Variants in QTMAN observed in about 807,000 individuals in gnomAD.
QTMAN encodes the protein tRNA-queuosine alpha-mannosyltransferase.
At chr2:144,096,447 A>G in the QTMAN span, among the ~76,000 whole-genome samples, 4 of 152,214 alleles carry the variant, frequency 2.6e-5, no homozygotes, top group African/African-American at 9.6e-5. Context: ...AAAGGAAGAC[A>G]CTGTAGAACA....
chr2:144,076,107 C>T, the QTMAN span, among the ~76,000 whole-genome samples: 16 of 152,172 alleles, frequency 1.1e-4, no homozygotes, highest in East Asian at 2.7e-3. Flanking sequence ...ATTAGCTGGG[C>T]GTGGTGGCGC....
chr2:144,003,911 G>T, the QTMAN span, among the ~76,000 whole-genome samples: 1 of 151,992 alleles, frequency 6.6e-6, no homozygotes, highest in South Asian at 2.1e-4. Context: ...TTCATTTTTA[G>T]AGTTGGCTAC....
chr2:144,022,561 T>A, the QTMAN span, among the ~76,000 whole-genome samples: 8 of 110,636 alleles, frequency 7.2e-5, no homozygotes, highest in African/African-American at 3.0e-4. Context: ...TCTCTCTCTC[T>A]TTTTTTTTTT....
At chr2:144,201,196 G>A in the QTMAN span, among the ~76,000 whole-genome samples, 1 of 152,156 alleles carries the variant, frequency 6.6e-6, no homozygotes, top group Non-Finnish European at 1.5e-5. Flanking sequence ...TAGATCGGGT[G>A]CTCAGGAAAG....
chr2:144,034,673 A>C, the QTMAN span, among the ~76,000 whole-genome samples: 1 of 152,184 alleles, frequency 6.6e-6, no homozygotes, highest in Non-Finnish European at 1.5e-5. Context: ...TCCTCCTTCC[A>C]CATTACTAGA....
chr2:144,169,356 C>A, the QTMAN span, among the ~76,000 whole-genome samples: 1 of 152,128 alleles, frequency 6.6e-6, no homozygotes, highest in Non-Finnish European at 1.5e-5. Flanking sequence ...GCATAATATA[C>A]ACAACTTCAA....
chr2:144,292,049 CCT>C, the QTMAN span, among the ~76,000 whole-genome samples: 1 of 152,222 alleles, frequency 6.6e-6, no homozygotes. Flanking sequence ...TCATTTAGCT[CCT>C]CTGAGTGTTA....
chr2:143,975,310 T>C, the QTMAN span, among the ~76,000 whole-genome samples: 1 of 152,220 alleles, frequency 6.6e-6, no homozygotes, highest in Admixed American at 6.5e-5. Flanking sequence ...TCACTTACAC[T>C]GAACTGTTAT....
At chr2:143,986,850 G>T in the QTMAN span, among the ~76,000 whole-genome samples, 2 of 152,200 alleles carry the variant, frequency 1.3e-5, no homozygotes, top group Non-Finnish European at 2.9e-5. Flanking sequence ...CTAAGAGAAT[G>T]TAAGTTCAGA....
At chr2:144,141,369 A>G in the QTMAN span, among the ~76,000 whole-genome samples, 1 of 151,818 alleles carries the variant, frequency 6.6e-6, no homozygotes, top group Non-Finnish European at 1.5e-5. Flanking sequence ...GCAATTAGGT[A>G]CATTTGTAAA....
chr2:144,153,645 C>G, the QTMAN span, among the ~76,000 whole-genome samples: 1 of 152,108 alleles, frequency 6.6e-6, no homozygotes, highest in Admixed American at 6.5e-5. Flanking sequence ...GAGCCGAGAT[C>G]GCACCACTGC....
the QTMAN span, among the ~76,000 whole-genome samples, chr2:144,067,500 G>C: frequency 3.3e-5 from 5 of 152,130 alleles, no homozygotes; most frequent in Non-Finnish European, 7.3e-5. Flanking sequence ...TGCACACTTA[G>C]GGACATCATA....
the QTMAN span, among the ~76,000 whole-genome samples, chr2:144,269,994 G>C: frequency 6.6e-6 from 1 of 151,888 alleles, no homozygotes; most frequent in South Asian, 2.1e-4. Flanking sequence ...AGTTTAGATG[G>C]GTTATTTTAA....
chr2:144,196,246 C>T, the QTMAN span, among the ~76,000 whole-genome samples: 3 of 138,788 alleles, frequency 2.2e-5, no homozygotes, highest in South Asian at 7.0e-4. Flanking sequence ...CACACACACA[C>T]GAAATATATA....
chr2:144,038,892 G>GA, the QTMAN span, among the ~76,000 whole-genome samples: 2 of 152,072 alleles, frequency 1.3e-5, no homozygotes, highest in Non-Finnish European at 2.9e-5. Flanking sequence ...AAGAACCTTT[G>GA]TTTTTTCCTA....
chr2:144,250,931 T>C, the QTMAN span, among the ~76,000 whole-genome samples: 3 of 152,092 alleles, frequency 2.0e-5, no homozygotes, highest in Non-Finnish European at 4.4e-5. Context: ...AATATTATTT[T>C]AGAAGATTAA....
the QTMAN span, among the ~76,000 whole-genome samples, chr2:144,289,814 T>C: frequency 6.6e-6 from 1 of 152,182 alleles, no homozygotes; most frequent in Admixed American, 6.5e-5. Context: ...AGAGACACAC[T>C]TTATTTTCAA....
At chr2:144,019,435 G>GGGGTGTGTGTGT in the QTMAN span, among the ~76,000 whole-genome samples, 368 of 117,270 alleles carry the variant, frequency 3.1e-3, 1 homozygote, top group Admixed American at 4.3e-3. Context: ...TAAGCATGCA[G>GGGGTGTGTGTGT]GTGTGTGTGT....
the QTMAN span, among the ~76,000 whole-genome samples, chr2:144,286,992 G>A: frequency 6.6e-6 from 1 of 152,108 alleles, no homozygotes; most frequent in Admixed American, 6.5e-5. Context: ...AAAACATTTC[G>A]ATGATGAGGT....
Sources: allele counts gnomAD v4.1 joint callset (sites outside exome capture counted in the v4.1 genomes callset), GRCh38; gene constraint gnomAD v4.1.1; transcripts MANE v1.5; gene names NCBI Gene and HGNC (gene_info 2026-07-23, HGNC 2026-07-21).